The following ARB2A variants were observed in gnomAD, a reference collection of about 807,000 sequenced individuals.
The protein encoded by ARB2A is cotranscriptional regulator ARB2A.
chr5:93,886,330 G>A, the ARB2A span, among the ~76,000 whole-genome samples: 1 of 151,602 alleles, frequency 6.6e-6, no homozygotes, highest in African/African-American at 2.4e-5. Context: ...TTGACCTATG[G>A]AACTATCTGC....
At chr5:94,109,711 C>T in the ARB2A span, among the ~76,000 whole-genome samples, 15 of 152,292 alleles carry the variant, frequency 9.8e-5, no homozygotes, top group African/African-American at 3.6e-4. Flanking sequence ...GTCTCAGTGC[C>T]TTTGTACTAG....
chr5:93,786,386 G>T, the ARB2A span, among the ~76,000 whole-genome samples: 1 of 152,162 alleles, frequency 6.6e-6, no homozygotes, highest in African/African-American at 2.4e-5. Context: ...TCATACAGTG[G>T]AAGTGATAAC....
the ARB2A span, among the ~76,000 whole-genome samples, chr5:93,718,274 A>C: frequency 6.6e-6 from 1 of 152,018 alleles, no homozygotes; most frequent in Non-Finnish European, 1.5e-5. Context: ...ACCCCTACCA[A>C]AAATACAAAA....
At chr5:93,722,688 A>G in the ARB2A span, among the ~76,000 whole-genome samples, 6 of 152,146 alleles carry the variant, frequency 3.9e-5, no homozygotes, top group Non-Finnish European at 7.4e-5. Flanking sequence ...AGCCAAAGCC[A>G]GATACTAGAA....
the ARB2A span, among the ~76,000 whole-genome samples, chr5:93,776,877 A>C: frequency 6.6e-6 from 1 of 152,132 alleles, no homozygotes; most frequent in African/African-American, 2.4e-5. Context: ...TAAACAAATA[A>C]AGGTACTATA....
the ARB2A span, among the ~76,000 whole-genome samples, chr5:94,039,851 G>A: frequency 1.3e-5 from 2 of 152,100 alleles, no homozygotes; most frequent in African/African-American, 2.4e-5. Flanking sequence ...ACCCTGAAGA[G>A]ATGATACTGA....
the ARB2A span, chr5:93,958,910 G>C: frequency 2.0e-5 from 32 of 1,607,286 alleles, no homozygotes; most frequent in Non-Finnish European, 2.7e-5. Flanking sequence ...CTGTGGATTT[G>C]TCAAAGCATC....
At chr5:93,752,469 G>A in the ARB2A span, among the ~76,000 whole-genome samples, 1 of 152,164 alleles carries the variant, frequency 6.6e-6, no homozygotes. Flanking sequence ...AGTTAGCTCA[G>A]GAAAGGAGAG....
At chr5:93,630,852 C>T in the ARB2A span, among the ~76,000 whole-genome samples, 128 of 152,112 alleles carry the variant, frequency 8.4e-4, no homozygotes, top group African/African-American at 3.0e-3. Context: ...GTGAGAGAAT[C>T]GTTTGAGCCC....
the ARB2A span, among the ~76,000 whole-genome samples, chr5:93,655,142 GATA>G: frequency 6.6e-6 from 1 of 152,144 alleles, no homozygotes; most frequent in African/African-American, 2.4e-5. Context: ...GACTCTATGA[GATA>G]ATATTTGTGA....
the ARB2A span, among the ~76,000 whole-genome samples, chr5:94,092,443 T>C: frequency 1.3e-5 from 2 of 152,214 alleles, no homozygotes; most frequent in African/African-American, 2.4e-5. Context: ...GTTCCTGATA[T>C]ATCATGACTA....
At chr5:93,985,791 C>G in the ARB2A span, among the ~76,000 whole-genome samples, 1 of 152,200 alleles carries the variant, frequency 6.6e-6, no homozygotes, top group Non-Finnish European at 1.5e-5. Context: ...ACCTCCCAGC[C>G]GCCTGCCTTG....
chr5:93,626,036 G>A, the ARB2A span, among the ~76,000 whole-genome samples: 1 of 152,128 alleles, frequency 6.6e-6, no homozygotes, highest in African/African-American at 2.4e-5. Context: ...GGGGCAAAAA[G>A]TAATCAAAGT....
At chr5:93,918,430 C>CTTTTT in the ARB2A span, among the ~76,000 whole-genome samples, 9 of 107,340 alleles carry the variant, frequency 8.4e-5, no homozygotes, top group Admixed American at 2.1e-4. Flanking sequence ...TTCCAAATTT[C>CTTTTT]TTTTTTTTTT....
At chr5:93,700,122 C>A in the ARB2A span, among the ~76,000 whole-genome samples, 1 of 152,032 alleles carries the variant, frequency 6.6e-6, no homozygotes, top group Non-Finnish European at 1.5e-5. Flanking sequence ...GAATTAGAAT[C>A]CTATCATTTT....
At chr5:93,658,283 A>T in the ARB2A span, among the ~76,000 whole-genome samples, 2 of 152,112 alleles carry the variant, frequency 1.3e-5, no homozygotes, top group Non-Finnish European at 2.9e-5. Flanking sequence ...GTACATTTAA[A>T]TGGTCAATTT....
At chr5:93,839,185 A>C in the ARB2A span, among the ~76,000 whole-genome samples, 14 of 152,146 alleles carry the variant, frequency 9.2e-5, no homozygotes, top group African/African-American at 3.1e-4. Flanking sequence ...TTTGTCATAG[A>C]TGGCTCCAAT....
At chr5:93,868,478 T>C in the ARB2A span, among the ~76,000 whole-genome samples, 2 of 152,174 alleles carry the variant, frequency 1.3e-5, no homozygotes, top group African/African-American at 4.8e-5. Flanking sequence ...GTACTGAAAC[T>C]GGCTAAACAC....
chr5:93,977,910 T>A, the ARB2A span, among the ~76,000 whole-genome samples: 1 of 151,924 alleles, frequency 6.6e-6, no homozygotes, highest in Non-Finnish European at 1.5e-5. Flanking sequence ...GTGCTTAAAC[T>A]ATTGAACAAC....
Sources: allele counts gnomAD v4.1 joint callset (sites outside exome capture counted in the v4.1 genomes callset), GRCh38; gene constraint gnomAD v4.1.1; transcripts MANE v1.5; gene names NCBI Gene and HGNC (gene_info 2026-07-23, HGNC 2026-07-21).